The following LPGAT1 variants were observed in gnomAD, a reference collection of about 807,000 sequenced individuals.
LPGAT1 encodes the protein acyl-CoA:lysophosphatidylglycerol acyltransferase 1.
LPGAT1 carries 11 observed loss-of-function variants against 47.5 expected under a neutral mutation model. The ratio of observed to expected loss-of-function variants is 0.23; its 90% CI spans 0.15 to 0.38. The LOEUF (loss-of-function observed/expected upper bound fraction) is 0.38, where lower values mean the gene tolerates loss of function less well. Ranked by LOEUF, LPGAT1 falls within the 10% of genes least tolerant of loss-of-function variation. The pLI is 1.00. For missense variants in LPGAT1, 293 were observed against 439.0 expected (o/e 0.67, Z 2.97); for synonymous variants, 138 against 144.2 (o/e 0.96, Z 0.31).
chr1:211,812,189 T>C (rs1340507982), intron 2 of LPGAT1, among the ~76,000 whole-genome samples: 1 of 152,238 alleles, frequency 6.6e-6, no homozygotes, highest in Non-Finnish European at 1.5e-5. Flanking sequence ...TTAGTCTCCC[T>C]ACTGCAGAAT....
chr1:211,810,635 G>A (rs1659954716), intron 2 of LPGAT1, among the ~76,000 whole-genome samples: 1 of 152,074 alleles, frequency 6.6e-6, no homozygotes, highest in Non-Finnish European at 1.5e-5. Flanking sequence ...TACAATCCCT[G>A]TCTTCAAGAA....
chr1:211,758,310 T>C (rs1558255111), intron 6 of LPGAT1, among the ~76,000 whole-genome samples: 1 of 152,252 alleles, frequency 6.6e-6, no homozygotes, highest in Non-Finnish European at 1.5e-5. Flanking sequence ...AATTTTAATT[T>C]GCAGGTAAAA....
At chr1:211,793,989 T>G (rs80178087) in intron 2 of LPGAT1, among the ~76,000 whole-genome samples, 3,531 of 152,296 alleles carry the variant, frequency 0.023, 141 homozygotes, top group African/African-American at 0.08. Flanking sequence ...AAATATAGCA[T>G]GATCCCATCT....
chr1:211,804,287 C>T (rs369946275), intron 2 of LPGAT1, among the ~76,000 whole-genome samples: 12 of 151,966 alleles, frequency 7.9e-5, no homozygotes, highest in Admixed American at 3.3e-4. Flanking sequence ...TGGGCTCAAG[C>T]GATCCTCCCA....
chr1:211,747,606 G>T lies in LPGAT1; in HGVS notation c.*2293C>A, dbSNP rs991886272. 6.6e-6 allele frequency: 1 copy of T among 152,196 alleles called. No individual in the cohort carries two copies. The highest frequency in any genetic ancestry group is 1.5e-5 in the Non-Finnish European group (1 of 68,040). 9.4% of individuals were successfully genotyped at this position (152,196 alleles called of 1,614,324 possible). On this transcript the variant is annotated 3_prime_UTR_variant, in exon 8 of 8. Transcript: ENST00000366997. ...CTACCCTGTGGCTTGCTGTAGCAAT[G>T]AGGAAAAGGTCTATCAGCTAGGACC...
intron 6 of LPGAT1, among the ~76,000 whole-genome samples, chr1:211,757,591 TG>T (rs1657517211): frequency 6.6e-6 from 1 of 152,190 alleles, no homozygotes; most frequent in Admixed American, 6.5e-5. Flanking sequence ...GCAGGTGTCA[TG>T]GGTTTAGCAT....
chr1:211,796,560 T>A (rs1169791503), intron 2 of LPGAT1, among the ~76,000 whole-genome samples: 1 of 152,188 alleles, frequency 6.6e-6, no homozygotes, highest in Admixed American at 6.5e-5. Context: ...GACTTCTAAC[T>A]TCCAGAACTG....
rs997637608 is a variant in LPGAT1 at position 211,784,854 on chromosome 1, A to C, written c.454-1352T>G. Among the ~76,000 whole-genome samples, 3 of 143,780 alleles carry C rather than the reference A, an allele frequency of 2.1e-5. No homozygotes were observed. The South Asian group carries it at 6.5e-4, about 31-fold the overall frequency. The allele number at this position is 143,780 out of a possible 152,430, so 94.3% of individuals were successfully genotyped here. The stretch of plus-strand genomic sequence containing the variant: ...AGTCTCGCTCTGTTGCCCAGGCTGG[A>C]GTGCAGTGGTGCGATCTCGGGTCAC... On this transcript the variant is annotated intron_variant, in intron 4 of 7. Coordinates refer to ENST00000366997, the MANE Select transcript of LPGAT1 (RefSeq NM_014873.3).
chr1:211,752,501 G>C (rs1657238950), intron 6 of LPGAT1, among the ~76,000 whole-genome samples: 1 of 152,118 alleles, frequency 6.6e-6, no homozygotes, highest in African/African-American at 2.4e-5. Flanking sequence ...AGACACCAGA[G>C]ACCAGACCTC....
chr1:211,789,124 A>T (rs186522334), intron 3 of LPGAT1, among the ~76,000 whole-genome samples: 294 of 152,336 alleles, frequency 1.9e-3, no homozygotes, highest in Middle Eastern at 0.01. Context: ...AATCACCAGC[A>T]TCCCATCTTG....
chr1:211,793,670 T>G (rs1659232526), intron 2 of LPGAT1, among the ~76,000 whole-genome samples: 1 of 152,160 alleles, frequency 6.6e-6, no homozygotes, highest in Non-Finnish European at 1.5e-5. Flanking sequence ...TGACCTCAAG[T>G]GATCCACCTG....
In LPGAT1 at chr1:211,744,567, T is replaced by C. The variant is rs1656867793; in HGVS notation, c.*5332A>G. On this transcript the variant is annotated 3_prime_UTR_variant, in exon 8 of 8. Transcript: ENST00000366997. ...GAGCAAAAAGCAATTAAGTATCCTT[T>C]TAAAAAAGCATTTTAGTTCTTTCCT... The C allele has an allele frequency of 6.6e-6, 1 of 152,240 alleles. No individual in the cohort carries two copies. The highest frequency in any genetic ancestry group is 1.5e-5 in the Non-Finnish European group (1 of 68,042). 9.4% of individuals were successfully genotyped at this position (152,240 alleles called of 1,614,324 possible).
chr1:211,784,853 G>C (rs961179300), intron 4 of LPGAT1, among the ~76,000 whole-genome samples: 1 of 150,494 alleles, frequency 6.6e-6, no homozygotes, highest in Non-Finnish European at 1.5e-5. Flanking sequence ...GCCCAGGCTG[G>C]AGTGCAGTGG....
rs1656907402 is a variant in LPGAT1 at position 211,745,504 on chromosome 1, A to G, written c.*4395T>C. 6.6e-6 allele frequency: 1 copy of G among 152,246 alleles called. No homozygotes were observed. Among genetic ancestry groups the G allele is most frequent in the South Asian group, 2.1e-4 (1 of 4,834 alleles). The allele number at this position is 152,246 out of a possible 1,614,324, so 9.4% of individuals were successfully genotyped here. ...ATAAAGCCATTCAAGATATGTGTGC[A>G]TACTTTGCAACTAGAATACACTTAA... On this transcript the variant is annotated 3_prime_UTR_variant, in exon 8 of 8. Coordinates refer to ENST00000366997, the MANE Select transcript of LPGAT1 (RefSeq NM_014873.3).
chr1:211,789,685 T>A (rs1327061760), intron 3 of LPGAT1, among the ~76,000 whole-genome samples: 1 of 151,946 alleles, frequency 6.6e-6, no homozygotes, highest in Non-Finnish European at 1.5e-5. Context: ...ATCGAGACCA[T>A]CCTGGTCAAC....
chr1:211,817,037 T>C (rs1286160539), intron 2 of LPGAT1, among the ~76,000 whole-genome samples: 1 of 152,142 alleles, frequency 6.6e-6, no homozygotes, highest in Non-Finnish European at 1.5e-5. Context: ...ACAAATTCTA[T>C]CCCAACCGTA....
intron 6 of LPGAT1, among the ~76,000 whole-genome samples, chr1:211,753,444 C>A (rs541192060): frequency 6.6e-6 from 1 of 151,906 alleles, no homozygotes; most frequent in Admixed American, 6.5e-5. Flanking sequence ...GTTTTTATTT[C>A]CTTTATTGTA....
At chr1:211,795,196 T>C (rs1659299081) in intron 2 of LPGAT1, among the ~76,000 whole-genome samples, 1 of 152,212 alleles carries the variant, frequency 6.6e-6, no homozygotes. Flanking sequence ...TAGCGTATTT[T>C]ACCACAATTA....
In LPGAT1 at chr1:211,830,262, G is replaced by A; in HGVS notation, c.-28+311C>T. On this transcript the variant is annotated intron_variant, in intron 1 of 7. Transcript: ENST00000366997. This position sits in a 1 kb window ranked among gnomAD's most constrained non-coding sequence, Gnocchi z 5.9. The stretch of plus-strand genomic sequence containing the variant: ...CCGAGGGGTCGCGGTCATGGACGCG[G>A]TGGCGGCCCAAGCGGCCCGAGGCGC... The A allele has an allele frequency of 1.0e-6, 1 of 1,003,018 alleles. No homozygotes were observed. Among genetic ancestry groups the A allele is most frequent in the Non-Finnish European group, 1.2e-6 (1 of 842,060 alleles). 62.1% of individuals were successfully genotyped at this position (1,003,018 alleles called of 1,614,324 possible).
Sources: gnomAD v4.1 joint callset for allele counts (sites outside exome capture counted in the v4.1 genomes callset) on GRCh38, gnomAD v4.1.1 for gene constraint, Gnocchi (gnomAD v3.1) non-coding constraint, MANE v1.5 for transcripts, NCBI Gene and HGNC (gene_info 2026-07-23, HGNC 2026-07-21) for gene names.